Variants in PRDM16 observed in about 807,000 individuals in gnomAD.
PRDM16 encodes the protein histone-lysine N-methyltransferase PRDM16.
A neutral mutation model predicts 110.6 loss-of-function variants in PRDM16; 23 were observed. The ratio of observed to expected loss-of-function variants is 0.21; its 90% confidence interval spans 0.15 to 0.29. PRDM16 has a LOEUF of 0.29. Among genes scored for constraint, PRDM16 ranks in the 10% least tolerant of loss-of-function variants. The pLI is 1.00. For missense variants in PRDM16, 1,615 were observed against 1,794.3 expected (o/e 0.90, Z 1.81); for synonymous variants, 799 against 781.8 (o/e 1.02, Z -0.37).
rs144041219 is a variant in PRDM16, at chr1:3,244,580, G to A, written c.438+443G>A. ...CACTCGTAGCTTCCAAAGAAGCATC[G>A]TTTTAAATAAGCAAAACCACGAGGC... On this transcript the variant is annotated intron_variant, in intron 3 of 16. Transcript: ENST00000270722. The surrounding 1 kb of genome is among the most constrained non-coding windows in gnomAD (Gnocchi z 4.1). Among the ~76,000 whole-genome samples the A allele has an allele frequency of 3.9e-4, 59 of 152,292 alleles. No homozygotes were observed. Among genetic ancestry groups the A allele is most frequent in the African/African-American group, 1.3e-3 (54 of 41,566 alleles).
intron 3 of PRDM16, among the ~76,000 whole-genome samples, chr1:3,259,748 G>GCAAGGGACTT (rs1640122344): frequency 6.6e-6 from 1 of 151,870 alleles, no homozygotes. Context: ...CCAGCCCCAA[G>GCAAGGGACTT]CAAGGGACTT....
At chr1:3,402,382 G>A (rs900989690) in intron 5 of PRDM16, among the ~76,000 whole-genome samples, 4 of 152,230 alleles carry the variant, frequency 2.6e-5, no homozygotes, top group African/African-American at 9.6e-5. Flanking sequence ...TGACCTTGAC[G>A]ACAATAATTT....
chr1:3,381,983 C>T (rs1212664042), intron 3 of PRDM16, among the ~76,000 whole-genome samples: 16 of 152,190 alleles, frequency 1.1e-4, no homozygotes. Context: ...GAGGGGGGGC[C>T]TCGTGGGTCT....
At position 3,181,511 on chromosome 1, in the gene PRDM16, C is replaced by A. The variant is rs115133436; in HGVS notation, c.38-4614C>A. Among the ~76,000 whole-genome samples, 120 of 46,858 alleles carry A rather than the reference C, an allele frequency of 2.6e-3. 32 individuals carry two copies. Among genetic ancestry groups the A allele is most frequent in the Non-Finnish European group, 4.9e-3 (83 of 16,906 alleles). The allele number at this position is 46,858 out of a possible 152,430, so 30.7% of individuals were successfully genotyped here. On this transcript the variant is annotated intron_variant, in intron 1 of 16. Transcript: ENST00000270722. Reference sequence around the variant, plus strand: ...ACAGCCTTACGCATGGTCTTACACACGCAGTCTTACACAAGCGGTCTTACA... The same window carrying A: ...ACAGCCTTACGCATGGTCTTACACAAGCAGTCTTACACAAGCGGTCTTACA...
chr1:3,218,709 C>T (rs1412244166), intron 2 of PRDM16, among the ~76,000 whole-genome samples: 3 of 152,222 alleles, frequency 2.0e-5, no homozygotes, highest in Non-Finnish European at 4.4e-5. Flanking sequence ...CTTCTACCCA[C>T]GAGCTGGGGT....
At chr1:3,327,419 G>A (rs1436497474) in intron 3 of PRDM16, among the ~76,000 whole-genome samples, 1 of 152,276 alleles carries the variant, frequency 6.6e-6, no homozygotes, top group African/African-American at 2.4e-5. Flanking sequence ...CAGCCCCTCA[G>A]CCCCCGCCCT....
intron 3 of PRDM16, among the ~76,000 whole-genome samples, chr1:3,322,989 T>C (rs920163694): frequency 1.3e-5 from 2 of 152,216 alleles, no homozygotes; most frequent in Non-Finnish European, 2.9e-5. Context: ...AGCAGGTCGA[T>C]GTGGGTCCCT....
At chr1:3,381,257 C>T (rs1432042997) in intron 3 of PRDM16, among the ~76,000 whole-genome samples, 1 of 152,216 alleles carries the variant, frequency 6.6e-6, no homozygotes, top group African/African-American at 2.4e-5. Flanking sequence ...CACAAGCACA[C>T]ACCCAGATAC....
intron 1 of PRDM16, among the ~76,000 whole-genome samples, chr1:3,127,182 T>A (rs1016812903): frequency 2.0e-5 from 3 of 152,278 alleles, no homozygotes; most frequent in Non-Finnish European, 4.4e-5. Context: ...CTGTGCTTTC[T>A]AAAGACAAAT....
intron 3 of PRDM16, among the ~76,000 whole-genome samples, chr1:3,363,023 G>A (rs1171750170): frequency 6.6e-6 from 1 of 152,194 alleles, no homozygotes; most frequent in Non-Finnish European, 1.5e-5. Context: ...GCTCTCCAGG[G>A]AGCAGAGAGA....
intron 1 of PRDM16, among the ~76,000 whole-genome samples, chr1:3,115,191 G>A (rs1315825440): frequency 2.0e-5 from 3 of 152,224 alleles, no homozygotes; most frequent in African/African-American, 7.2e-5. Flanking sequence ...CCATCACCCT[G>A]TGACCCCGCC....
At chr1:3,404,012 C>G (rs879938182) in intron 6 of PRDM16, among the ~76,000 whole-genome samples, 4 of 152,230 alleles carry the variant, frequency 2.6e-5, no homozygotes, top group Admixed American at 6.5e-5. Context: ...TACATAAACA[C>G]ATAAATCACA....
intron 3 of PRDM16, among the ~76,000 whole-genome samples, chr1:3,249,791 C>T (rs1569925048): frequency 2.0e-5 from 3 of 152,312 alleles, no homozygotes; most frequent in Middle Eastern, 3.4e-3. Context: ...TTTCCATTGT[C>T]CCAGGGTTGC....
intron 4 of PRDM16, among the ~76,000 whole-genome samples, chr1:3,394,752 G>C (rs1643359712): frequency 6.6e-6 from 1 of 152,252 alleles, no homozygotes; most frequent in South Asian, 2.1e-4. Flanking sequence ...CTTTGTCCCA[G>C]CTGGCGCTTC....
At chr1:3,230,022 A>C (rs1639372174) in intron 2 of PRDM16, among the ~76,000 whole-genome samples, 1 of 152,210 alleles carries the variant, frequency 6.6e-6, no homozygotes, top group Admixed American at 6.5e-5. Context: ...CACTCTGTGC[A>C]CTTCGGATGC....
rs59791059 is a variant in PRDM16 at position 3,354,459 on chromosome 1, C to CAAA, written c.439-30675_439-30673dup. ...TGGGTGACAGGGCGAGACTCTGCCTCAAAAAAAAAAAAAAAAAAAATACCT... is the reference window on the plus strand; with the variant it reads ...TGGGTGACAGGGCGAGACTCTGCCTCAAAAAAAAAAAAAAAAAAAAAAATACCT... On this transcript the variant is annotated intron_variant, in intron 3 of 16. Coordinates refer to ENST00000270722, the MANE Select transcript of PRDM16 (RefSeq NM_022114.4). Among the ~76,000 whole-genome samples the CAAA allele has an allele frequency of 8.6e-3, 973 of 113,222 alleles. 18 individuals carry two copies. The highest frequency in any genetic ancestry group is 0.029 in the African/African-American group (905 of 31,240). The allele number at this position is 113,222 out of a possible 152,430, so 74.3% of individuals were successfully genotyped here.
chr1:3,402,907 G>A lies in PRDM16; in HGVS notation c.793G>A (p.Ala265Thr). 6.2e-7 allele frequency: 1 copy of A among 1,612,996 alleles called. No individual in the cohort carries two copies. Among genetic ancestry groups the A allele is most frequent in the Middle Eastern group, 1.7e-4 (1 of 6,060 alleles). Residue 265 changes from alanine (A) to threonine (T), a missense_variant, in exon 6 of 17, where the codon GCT (alanine) becomes ACT (threonine). By Grantham distance (58) the Ala-to-Thr change is moderately conservative. Around this residue, in one of 5 missense-constraint regions of PRDM16, gnomAD observed 416 missense variants for 467.1 expected, o/e 0.89. Transcript: ENST00000270722. ...GGGGGCTGCGCTCTACGAGGGCCTG[G>A]CTGAGGAGCTCAAGCCCGAGGGCCT... Reference protein sequence around the residue: ...SVGAALYEGLAEELKPEGLGG... With the variant: ...SVGAALYEGLTEELKPEGLGG...
At chr1:3,180,996 GA>G (rs1644150823) in intron 1 of PRDM16, among the ~76,000 whole-genome samples, 1 of 139,186 alleles carries the variant, frequency 7.2e-6, no homozygotes, top group Non-Finnish European at 1.6e-5. Flanking sequence ...TCTTACACAC[GA>G]TCTTACACGC....
intron 3 of PRDM16, 83 bp from the exon 4 acceptor site, chr1:3,385,069 C>T (rs1165137552): frequency 1.4e-5 from 22 of 1,548,912 alleles, no homozygotes; most frequent in Non-Finnish European, 1.9e-5. Context: ...CCCAAACAGC[C>T]AGGTTTCTGG....
Sources: gnomAD v4.1 joint callset for allele counts (sites outside exome capture counted in the v4.1 genomes callset) on GRCh38, gnomAD v4.1.1 for gene constraint, gnomAD v4.1.1 regional missense constraint, Gnocchi (gnomAD v3.1) non-coding constraint, MANE v1.5 for transcripts, NCBI Gene and HGNC (gene_info 2026-07-23, HGNC 2026-07-21) for gene names.